Variants in MAN1A1 observed in about 807,000 individuals in gnomAD.
MAN1A1 encodes the protein mannosyl-oligosaccharide 1,2-alpha-mannosidase IA.
In MAN1A1, 29 loss-of-function variants were observed where a neutral mutation model predicts 70.8. That is an observed-to-expected ratio of 0.41 (90% CI 0.31 to 0.56). The LOEUF (loss-of-function observed/expected upper bound fraction) is 0.56, where lower values mean the gene tolerates loss of function less well. Among genes scored for constraint, MAN1A1 ranks in the 20% least tolerant of loss-of-function variants. The probability of loss-of-function intolerance (pLI) is 0.29; values close to 1 mark genes in which losing one functional copy is unlikely to be tolerated. For missense variants in MAN1A1, 747 were observed against 841.3 expected, an observed-to-expected ratio of 0.89 and a Z score of 1.39; for synonymous variants, 349 against 330.1, an observed-to-expected ratio of 1.06 and a Z score of -0.62.
chr6:119,217,445 C>T (rs1774238609), intron 6 of MAN1A1, among the ~76,000 whole-genome samples: 1 of 152,062 alleles, frequency 6.6e-6, no homozygotes, highest in African/African-American at 2.4e-5. Context: ...CCACGCCTGG[C>T]TAATTTTTTG....
At chr6:119,231,441 C>T (rs1774673294) in intron 6 of MAN1A1, among the ~76,000 whole-genome samples, 1 of 152,192 alleles carries the variant, frequency 6.6e-6, no homozygotes, top group Non-Finnish European at 1.5e-5. Context: ...TTCCTGAGGC[C>T]TCCCCAGCAA....
chr6:119,210,021 T>C (rs1773998227), intron 6 of MAN1A1, among the ~76,000 whole-genome samples: 1 of 152,188 alleles, frequency 6.6e-6, no homozygotes. Flanking sequence ...TCTTGCTCCA[T>C]CTCATCACGG....
At chr6:119,307,935 T>A (rs558245302) in intron 2 of MAN1A1, among the ~76,000 whole-genome samples, 18 of 152,308 alleles carry the variant, frequency 1.2e-4, no homozygotes, top group Admixed American at 3.3e-4. Flanking sequence ...ATCATTTTAT[T>A]AATAACAAAG....
At chr6:119,333,860 A>ATT (rs1316991599) in intron 2 of MAN1A1, among the ~76,000 whole-genome samples, 1 of 152,176 alleles carries the variant, frequency 6.6e-6, no homozygotes, top group Admixed American at 6.5e-5. Context: ...ACCTTATAAA[A>ATT]ACCTAGGGTG....
intron 8 of MAN1A1, among the ~76,000 whole-genome samples, chr6:119,200,239 A>G (rs1773680834): frequency 6.6e-6 from 1 of 152,166 alleles, no homozygotes; most frequent in Admixed American, 6.5e-5. Flanking sequence ...ATATCATTAT[A>G]CTAGTATTAT....
chr6:119,289,482 T>C (rs778683948), intron 5 of MAN1A1, among the ~76,000 whole-genome samples: 3 of 145,020 alleles, frequency 2.1e-5, no homozygotes, highest in Non-Finnish European at 4.4e-5. Flanking sequence ...ATCCTTAGTA[T>C]ACCCTAAACT....
In MAN1A1 at chr6:119,347,217, A is replaced by G. The variant is rs531372254; in HGVS notation, c.603+1246T>C. 8.8e-4 allele frequency among the ~76,000 whole-genome samples: 134 copies of G among 152,298 alleles called. 1 individual carries two copies. Among genetic ancestry groups the G allele is most frequent in the African/African-American group, 3.0e-3 (123 of 41,552 alleles). On this transcript the variant is annotated intron_variant, in intron 2 of 12. Transcript: ENST00000368468. ...AACCAAATTCAGCTGATCTTATAAT[A>G]CAAAGTCACAAATCCCATGACAATC...
At chr6:119,224,551 A>G (rs1283809887) in intron 6 of MAN1A1, among the ~76,000 whole-genome samples, 2 of 152,230 alleles carry the variant, frequency 1.3e-5, no homozygotes, top group Non-Finnish European at 2.9e-5. Context: ...CTAGGTAAAC[A>G]ATAACAAAAT....
At chr6:119,209,945 GCAGCAGGGTA>G (rs1484959650) in intron 6 of MAN1A1, among the ~76,000 whole-genome samples, 1 of 152,178 alleles carries the variant, frequency 6.6e-6, no homozygotes, top group Non-Finnish European at 1.5e-5. Context: ...CTTTCAAACA[GCAGCAGGGTA>G]AATCTCCACA....
At chr6:119,231,637 C>A (rs915905075) in intron 6 of MAN1A1, among the ~76,000 whole-genome samples, 1 of 152,110 alleles carries the variant, frequency 6.6e-6, no homozygotes, top group African/African-American at 2.4e-5. Flanking sequence ...TCTCCTCATT[C>A]CCTGAGGGCC....
chr6:119,220,422 G>C (rs1227479667), intron 6 of MAN1A1, among the ~76,000 whole-genome samples: 1 of 152,028 alleles, frequency 6.6e-6, no homozygotes, highest in Non-Finnish European at 1.5e-5. Context: ...AATGGTTTAA[G>C]TTTCCTTCTC....
intron 6 of MAN1A1, among the ~76,000 whole-genome samples, chr6:119,235,964 C>A (rs1346467922): frequency 1.3e-5 from 2 of 151,864 alleles, no homozygotes; most frequent in African/African-American, 4.8e-5. Flanking sequence ...ATGGCAAAAC[C>A]CCATCTCTAC....
chr6:119,209,134 G>A (rs996517053), intron 6 of MAN1A1, among the ~76,000 whole-genome samples: 3 of 146,224 alleles, frequency 2.1e-5, no homozygotes, highest in South Asian at 4.5e-4. Context: ...TGACTGTCCC[G>A]ATACAATTTG....
At chr6:119,206,092 T>A (rs1342896045) in intron 6 of MAN1A1, among the ~76,000 whole-genome samples, 1 of 151,604 alleles carries the variant, frequency 6.6e-6, no homozygotes, top group Non-Finnish European at 1.5e-5. Context: ...CAAGTACGAG[T>A]TGGTGAGGAA....
chr6:119,340,864 T>C (rs1223774804), intron 2 of MAN1A1, among the ~76,000 whole-genome samples: 1 of 152,178 alleles, frequency 6.6e-6, no homozygotes, highest in East Asian at 1.9e-4. Context: ...ATGAACGATG[T>C]AGAGCAAGAG....
chr6:119,331,999 A>G (rs1399962405), intron 2 of MAN1A1: 1 of 502,798 alleles, frequency 2.0e-6, no homozygotes, highest in South Asian at 1.5e-5. Context: ...TCCTGGCTTC[A>G]ATTTCCTATG....
At chr6:119,232,065 T>C (rs988950581) in intron 6 of MAN1A1, among the ~76,000 whole-genome samples, 8 of 152,024 alleles carry the variant, frequency 5.3e-5, no homozygotes, top group African/African-American at 1.9e-4. Context: ...ACCTGACCCA[T>C]GGAAAACTTT....
At chr6:119,214,635 T>C (rs1774146410) in intron 6 of MAN1A1, among the ~76,000 whole-genome samples, 1 of 152,078 alleles carries the variant, frequency 6.6e-6, no homozygotes, top group South Asian at 2.1e-4. Flanking sequence ...TCTTCCCACC[T>C]CAGCCTCCTG....
At chr6:119,246,119 T>C (rs1400425804) in intron 6 of MAN1A1, among the ~76,000 whole-genome samples, 1 of 152,212 alleles carries the variant, frequency 6.6e-6, no homozygotes, top group African/African-American at 2.4e-5. Context: ...CAATTTCTTA[T>C]GCTTATTTCA....
Sources: gnomAD v4.1 joint callset for allele counts (sites outside exome capture counted in the v4.1 genomes callset) on GRCh38, gnomAD v4.1.1 for gene constraint, MANE v1.5 for transcripts, NCBI Gene and HGNC (gene_info 2026-07-23, HGNC 2026-07-21) for gene names.